Variants in GRM1 observed in about 807,000 individuals in gnomAD.
GRM1 encodes metabotropic glutamate receptor 1.
Under a neutral mutation model 90.9 loss-of-function variants are expected in GRM1, and 33 were observed. That is an observed-to-expected ratio of 0.36 (90% CI 0.28 to 0.49). The LOEUF is 0.49. Ranked by LOEUF, GRM1 falls within the 20% of genes least tolerant of loss-of-function variation. GRM1 has a pLI of 0.99. For missense variants in GRM1, 1,190 were observed against 1,534.3 expected, an observed-to-expected ratio of 0.78 and a Z score of 3.75; for synonymous variants, 700 against 613.2, an observed-to-expected ratio of 1.14 and a Z score of -2.09.
At chr6:146,144,636 T>C (rs1321171298) in intron 1 of GRM1, among the ~76,000 whole-genome samples, 1 of 152,204 alleles carries the variant, frequency 6.6e-6, no homozygotes, top group East Asian at 1.9e-4. Flanking sequence ...AACAGAAAAT[T>C]GGCACCAGGA....
intron 6 of GRM1, among the ~76,000 whole-genome samples, chr6:146,395,584 T>A (rs777304488): frequency 1.3e-5 from 2 of 152,162 alleles, no homozygotes; most frequent in Non-Finnish European, 2.9e-5. Context: ...GGTACATACT[T>A]GTAGTATGGA....
chr6:146,309,443 C>T (rs1157040099), intron 3 of GRM1, among the ~76,000 whole-genome samples: 1 of 151,668 alleles, frequency 6.6e-6, no homozygotes, highest in African/African-American at 2.4e-5. Flanking sequence ...AAAAGGAGTT[C>T]CAAAAGGCAG....
chr6:146,202,708 G>A (rs1779340658), intron 2 of GRM1, among the ~76,000 whole-genome samples: 2 of 152,274 alleles, frequency 1.3e-5, no homozygotes, highest in South Asian at 2.1e-4. Flanking sequence ...GGTCAGCTGT[G>A]TGATTCTAGA....
intron 7 of GRM1, among the ~76,000 whole-genome samples, chr6:146,405,908 C>T (rs1371600556): frequency 6.6e-6 from 1 of 152,092 alleles, no homozygotes; most frequent in Non-Finnish European, 1.5e-5. Flanking sequence ...AGGTCTTATC[C>T]TTGGAATCAC....
chr6:146,188,053 T>C (rs973395056), intron 2 of GRM1, among the ~76,000 whole-genome samples: 4 of 152,170 alleles, frequency 2.6e-5, no homozygotes, highest in Non-Finnish European at 4.4e-5. Flanking sequence ...CTGCACATAA[T>C]TATCACAGTC....
intron 3 of GRM1, among the ~76,000 whole-genome samples, chr6:146,314,770 G>A (rs1466009807): frequency 6.6e-6 from 1 of 152,062 alleles, no homozygotes; most frequent in Admixed American, 6.6e-5. Context: ...TTAAGGTGAA[G>A]GGGTTATTTT....
chr6:146,051,747 G>C (rs996286178), intron 1 of GRM1, among the ~76,000 whole-genome samples: 1 of 152,006 alleles, frequency 6.6e-6, no homozygotes. Context: ...GTGGATTTTA[G>C]CTATGAACAT....
intron 3 of GRM1, among the ~76,000 whole-genome samples, chr6:146,315,180 T>A (rs1431058260): frequency 3.3e-5 from 5 of 152,084 alleles, no homozygotes; most frequent in Non-Finnish European, 7.4e-5. Context: ...CAAGACCCTG[T>A]CTCTCCAAAA....
At chr6:146,123,894 A>G (rs1441468692) in intron 1 of GRM1, among the ~76,000 whole-genome samples, 2 of 152,208 alleles carry the variant, frequency 1.3e-5, no homozygotes, top group Non-Finnish European at 2.9e-5. Context: ...GAGTGGCATC[A>G]TGGAAACAGG....
At chr6:146,291,397 T>A (rs930964216) in intron 2 of GRM1, among the ~76,000 whole-genome samples, 2 of 150,986 alleles carry the variant, frequency 1.3e-5, no homozygotes, top group African/African-American at 4.8e-5. Context: ...TATATATATT[T>A]ATTTTATACT....
intron 2 of GRM1, among the ~76,000 whole-genome samples, chr6:146,274,408 G>T (rs1292732476): frequency 6.6e-6 from 1 of 152,130 alleles, no homozygotes; most frequent in African/African-American, 2.4e-5. Context: ...ATACCGTGAA[G>T]AAATCAGTAA....
At chr6:146,239,010 T>C (rs1461332525) in intron 2 of GRM1, among the ~76,000 whole-genome samples, 5 of 152,186 alleles carry the variant, frequency 3.3e-5, no homozygotes, top group Admixed American at 3.3e-4. Flanking sequence ...TTAACCTTCA[T>C]ACCTTTCCAA....
chr6:146,079,227 C>G (rs537387697), intron 1 of GRM1, among the ~76,000 whole-genome samples: 8 of 152,102 alleles, frequency 5.3e-5, no homozygotes, highest in Non-Finnish European at 1.0e-4. Flanking sequence ...TTGCAATGCC[C>G]GTGGGCTGGA....
At chr6:146,275,472 T>A (rs1186629399) in intron 2 of GRM1, among the ~76,000 whole-genome samples, 1 of 152,092 alleles carries the variant, frequency 6.6e-6, no homozygotes, top group Non-Finnish European at 1.5e-5. Context: ...TCTCTTTTGC[T>A]CTAGTTTCCC....
At position 146,163,632 on chromosome 6, in the gene GRM1, G is replaced by A. The variant is rs1777811882; in HGVS notation, c.950+4035G>A. ...GTAATGGAAAAACAAAACAAAACAT[G>A]AGATAAGAGTTCTAGATTTACCATG... On this transcript the variant is annotated intron_variant, in intron 2 of 7. Coordinates refer to ENST00000282753, the MANE Select transcript of GRM1 (RefSeq NM_001278064.2). 3.3e-5 allele frequency among the ~76,000 whole-genome samples: 5 copies of A among 152,270 alleles called. No homozygotes were observed. In the South Asian group the frequency reaches 1.0e-3, roughly 32 times the overall value.
intron 1 of GRM1, among the ~76,000 whole-genome samples, chr6:146,061,650 G>A (rs918708713): frequency 2.6e-5 from 4 of 151,910 alleles, no homozygotes; most frequent in African/African-American, 9.7e-5. Context: ...TCAAAAACTG[G>A]GTGAAGGATA....
At chr6:146,159,217 C>T (rs1777623956) in intron 1 of GRM1, 131 bp from the exon 2 acceptor site, 5 of 1,032,856 alleles carry the variant, frequency 4.8e-6, no homozygotes, top group Non-Finnish European at 4.6e-6. Flanking sequence ...TTCCGTCAGT[C>T]TCAGCCATAT....
At chr6:146,283,923 A>G (rs556619015) in intron 2 of GRM1, among the ~76,000 whole-genome samples, 6 of 152,340 alleles carry the variant, frequency 3.9e-5, no homozygotes, top group Non-Finnish European at 5.9e-5. Flanking sequence ...TTGGCTTCTC[A>G]ATACTATTTC....
intron 3 of GRM1, among the ~76,000 whole-genome samples, chr6:146,350,073 A>C (rs1348120533): frequency 2.0e-5 from 3 of 152,210 alleles, no homozygotes; most frequent in African/African-American, 7.2e-5. Context: ...TTCTATGATC[A>C]CCCTAAATGA....
Sources: gnomAD v4.1 joint callset for allele counts (sites outside exome capture counted in the v4.1 genomes callset) on GRCh38, gnomAD v4.1.1 for gene constraint, MANE v1.5 for transcripts, NCBI Gene and HGNC (gene_info 2026-07-23, HGNC 2026-07-21) for gene names.